Variants in SATL1 observed in about 807,000 individuals in gnomAD.
SATL1 encodes the protein spermidine/spermine N1-acetyl transferase like 1, also known as spermidine/spermine N(1)-acetyltransferase-like protein 1.
Under a neutral mutation model 51.8 loss-of-function variants are expected in SATL1, and 47 were observed. The ratio of observed to expected loss-of-function variants is 0.91; its 90% CI spans 0.72 to 1.16. SATL1 has a LOEUF of 1.16. Among genes scored for constraint, SATL1 ranks in the 50% most tolerant of loss-of-function variants. SATL1 has a pLI of 0.00. For synonymous variants in SATL1, 176 were observed against 182.4 expected (o/e 0.97, Z 0.28); for missense variants, 520 against 526.4 (o/e 0.99, Z 0.12).
chrX:85,143,238 T>C (rs1201499652), intron 2 of SATL1, among the ~76,000 whole-genome samples: 2 of 112,055 alleles, frequency 1.8e-5, no homozygotes, highest in Non-Finnish European at 3.8e-5. Context: ...AGTATAGATA[T>C]GGGGATCTGA....
intron 1 of SATL1, among the ~76,000 whole-genome samples, chrX:85,240,187 C>T (rs1400042549): frequency 9.0e-6 from 1 of 111,447 alleles, no homozygotes; most frequent in African/African-American, 3.3e-5. Flanking sequence ...AGAGAAGTTA[C>T]GGCAAATAAG....
intron 1 of SATL1, among the ~76,000 whole-genome samples, chrX:85,242,823 C>T (rs1928655737): frequency 8.9e-6 from 1 of 111,926 alleles, no homozygotes; most frequent in East Asian, 2.8e-4. Flanking sequence ...GAATTTCACC[C>T]TTTTCAAGCT....
chrX:85,093,881 T>G (rs942425224), intron 6 of SATL1, among the ~76,000 whole-genome samples: 1 of 111,448 alleles, frequency 9.0e-6, no homozygotes, highest in Non-Finnish European at 1.9e-5. Flanking sequence ...TAAAAAAATA[T>G]ATAGCCATGT....
At chrX:85,165,988 C>T (rs750942526) in intron 2 of SATL1, among the ~76,000 whole-genome samples, 74 of 111,266 alleles carry the variant, frequency 6.7e-4, no homozygotes, top group South Asian at 5.2e-3. Context: ...CTATAGCCAA[C>T]GGATCTTCAA....
chrX:85,167,534 T>C (rs1304599841), intron 2 of SATL1, among the ~76,000 whole-genome samples: 1 of 111,252 alleles, frequency 9.0e-6, no homozygotes, highest in Non-Finnish European at 1.9e-5. Flanking sequence ...CTAGAAAATT[T>C]AGAGGAAATG....
chrX:85,173,985 G>T (rs777561028), intron 2 of SATL1, among the ~76,000 whole-genome samples: 1 of 96,522 alleles, frequency 1.0e-5, no homozygotes, highest in Admixed American at 1.3e-4. Context: ...AAGTGTTCTC[G>T]TTGTTCAATT....
intron 2 of SATL1, among the ~76,000 whole-genome samples, chrX:85,192,325 A>C (rs746998663): frequency 9.9e-5 from 11 of 111,021 alleles, no homozygotes; most frequent in Non-Finnish European, 1.9e-4. Flanking sequence ...TGAAAACTCT[A>C]TTTTTTGGCA....
intron 2 of SATL1, among the ~76,000 whole-genome samples, chrX:85,166,380 A>G (rs1270843570): frequency 8.9e-6 from 1 of 112,134 alleles, no homozygotes; most frequent in African/African-American, 3.2e-5. Context: ...TGTGCATCCA[A>G]CAAAGGACTA....
intron 2 of SATL1, among the ~76,000 whole-genome samples, chrX:85,213,464 T>G (rs1485899050): frequency 2.7e-5 from 3 of 112,181 alleles, no homozygotes; most frequent in Non-Finnish European, 5.6e-5. Context: ...TTTATGAATT[T>G]TCTTGATAAG....
chrX:85,161,486 A>T (rs1357648614), intron 2 of SATL1, among the ~76,000 whole-genome samples: 1 of 110,564 alleles, frequency 9.0e-6, no homozygotes, highest in Non-Finnish European at 1.9e-5. Flanking sequence ...AAATAAAAAA[A>T]AAAAAAAAAC....
At chrX:85,172,658 T>C (rs964479834) in intron 2 of SATL1, among the ~76,000 whole-genome samples, 4 of 111,442 alleles carry the variant, frequency 3.6e-5, no homozygotes, top group Admixed American at 9.6e-5. Context: ...AATACATAAA[T>C]ACATGGATCA....
rs1355235652 is a variant in SATL1, at chrX:85,108,472, A to G, written c.497T>C (p.Ile166Thr). 2 of 1,208,862 alleles carry G rather than the reference A, an allele frequency of 1.7e-6. No homozygotes were observed. Among genetic ancestry groups the G allele is most frequent in the Non-Finnish European group, 2.2e-6 (2 of 894,917 alleles). The change falls in exon 3 of 8, where the codon ATA becomes ACA. Residue 166 changes from isoleucine (I) to threonine (T), a missense_variant. Physicochemically the swap from Ile to Thr is moderately conservative, Grantham distance 89. Coordinates refer to ENST00000644105, the MANE Select transcript of SATL1 (RefSeq NM_001367857.2). ...CCATGTGCCTGGTTGGCTCATGCCT[A>G]TTTGGCTTGTGCCTAATTGGCTGGT... ...VGTSQLGTSQ[I>T]GMSQPGTWQT...
intron 2 of SATL1, among the ~76,000 whole-genome samples, chrX:85,122,216 T>C (rs1925523833): frequency 9.0e-6 from 1 of 111,390 alleles, no homozygotes; most frequent in African/African-American, 3.3e-5. Flanking sequence ...TGTAACTTTT[T>C]GCAGACGTCT....
At chrX:85,197,385 T>G (rs935627628) in intron 2 of SATL1, among the ~76,000 whole-genome samples, 2 of 111,548 alleles carry the variant, frequency 1.8e-5, no homozygotes, top group South Asian at 7.4e-4. Flanking sequence ...ATCCTTTTAG[T>G]TATTAATACC....
intron 2 of SATL1, among the ~76,000 whole-genome samples, chrX:85,168,124 G>T (rs1309738839): frequency 9.1e-6 from 1 of 110,494 alleles, no homozygotes; most frequent in Non-Finnish European, 1.9e-5. Flanking sequence ...GCTATTGAAA[G>T]AATATACCTC....
intron 2 of SATL1, among the ~76,000 whole-genome samples, chrX:85,186,151 T>C (rs1927311018): frequency 9.2e-6 from 1 of 108,947 alleles, no homozygotes; most frequent in South Asian, 4.1e-4. Flanking sequence ...CCCTCAGGAC[T>C]CTGCCTGGTG....
intron 2 of SATL1, among the ~76,000 whole-genome samples, chrX:85,202,294 A>C (rs1927702186): frequency 8.9e-6 from 1 of 112,045 alleles, no homozygotes; most frequent in African/African-American, 3.2e-5. Context: ...GCTGTGCAGA[A>C]GCTTCAAAGT....
chrX:85,144,628 C>A (rs762640528), intron 2 of SATL1, among the ~76,000 whole-genome samples: 3 of 112,243 alleles, frequency 2.7e-5, no homozygotes, highest in South Asian at 3.7e-4. Context: ...GAGTTTCAGA[C>A]TTTAGAAAAC....
chrX:85,154,708 C>T (rs1390676846), intron 2 of SATL1, among the ~76,000 whole-genome samples: 3 of 112,296 alleles, frequency 2.7e-5, no homozygotes, highest in Admixed American at 9.5e-5. Context: ...TTAATGGAAT[C>T]TAATGAGATA....
Sources: allele counts gnomAD v4.1 joint callset (sites outside exome capture counted in the v4.1 genomes callset), GRCh38; gene constraint gnomAD v4.1.1; transcripts MANE v1.5; gene names NCBI Gene and HGNC (gene_info 2026-07-23, HGNC 2026-07-21).